The following ZNF518A variants were observed in gnomAD, a reference collection of about 807,000 sequenced individuals.
The protein encoded by ZNF518A is zinc finger protein 518A.
ZNF518A carries 47 observed loss-of-function variants against 102.7 expected under a neutral mutation model. That is an observed-to-expected ratio of 0.46 (90% CI 0.36 to 0.58). The LOEUF is 0.58. Ranked by LOEUF, ZNF518A falls within the 20% of genes least tolerant of loss-of-function variation. The probability of loss-of-function intolerance (pLI) is 0.00; values close to 1 mark genes in which losing one functional copy is unlikely to be tolerated. For missense variants in ZNF518A, 1,793 were observed against 1,699.8 expected (o/e 1.05, Z -0.96); for synonymous variants, 652 against 594.6 (o/e 1.10, Z -1.40).
intron 1 of ZNF518A, among the ~76,000 whole-genome samples, chr10:96,175,303 C>T (rs1235143665): frequency 6.6e-6 from 1 of 152,126 alleles, no homozygotes; most frequent in African/African-American, 2.4e-5. Context: ...GTATCTGGGC[C>T]ACCACTTTGT....
chr10:96,142,187 A>G (rs1446528600), intron 3 of ZNF518A, among the ~76,000 whole-genome samples: 2 of 151,208 alleles, frequency 1.3e-5, no homozygotes, highest in Admixed American at 6.6e-5. Flanking sequence ...AAACTTTTTG[A>G]AAACTTAAAA....
At chr10:96,188,361 A>G (rs2083285096) in intron 1 of ZNF518A, among the ~76,000 whole-genome samples, 2 of 152,184 alleles carry the variant, frequency 1.3e-5, no homozygotes, top group African/African-American at 4.8e-5. Flanking sequence ...TGCTCCAAGA[A>G]ATCCACCACG....
chr10:96,161,379 A>G lies in ZNF518A; in HGVS notation c.*605A>G, dbSNP rs587689794. The G allele has an allele frequency of 1.2e-5, 2 of 167,058 alleles. No individual in the cohort carries two copies. Among genetic ancestry groups the G allele is most frequent in the South Asian group, 4.1e-4 (2 of 4,830 alleles). 10.3% of individuals were successfully genotyped at this position (167,058 alleles called of 1,614,324 possible). The stretch of plus-strand genomic sequence containing the variant: ...TTTTTGGCAAGTAAATTTTTTTTCC[A>G]GTTGAACTCTGTCACTTGTTAGAGA... On this transcript the variant is annotated 3_prime_UTR_variant, in exon 6 of 6. Transcript: ENST00000316045.
rs782407488 is a variant in ZNF518A at position 96,159,944 on chromosome 10, A to G, written c.3622A>G (p.Ile1208Val). 8 of 1,613,434 alleles carry G rather than the reference A, an allele frequency of 5.0e-6. No individual in the cohort carries two copies. Among genetic ancestry groups the G allele is most frequent in the Non-Finnish European group, 5.9e-6 (7 of 1,179,726 alleles). The stretch of plus-strand genomic sequence containing the variant: ...CTTAATGCCAGCAAATGAAATTGTG[A>G]TAACTTCTACTGCAACATGCCCAGA... ...DDLMPANEIV[I>V]TSTATCPESS... is the part of the protein sequence containing the mutation. The change falls in exon 6 of 6, where the codon ATA becomes GTA. Residue 1208 changes from isoleucine (I) to valine (V), a missense_variant. Ile to Val is a conservative substitution (Grantham distance 29, BLOSUM62 3). Transcript: ENST00000316045.
chr10:96,150,550 A>G (rs1238214745), intron 3 of ZNF518A, among the ~76,000 whole-genome samples: 1 of 150,590 alleles, frequency 6.6e-6, no homozygotes, highest in Non-Finnish European at 1.5e-5. Flanking sequence ...TTTTTGGAAA[A>G]AAAAAAAACT....
chr10:96,162,862 T>C lies in ZNF518A; in HGVS notation c.*2088T>C, dbSNP rs1212091773. 1.2e-5 allele frequency: 2 copies of C among 167,000 alleles called. No individual in the cohort carries two copies. Among genetic ancestry groups the C allele is most frequent in the African/African-American group, 2.4e-5 (1 of 41,468 alleles). The allele number at this position is 167,000 out of a possible 1,614,324, so 10.3% of individuals were successfully genotyped here. On this transcript the variant is annotated 3_prime_UTR_variant, in exon 6 of 6. Coordinates refer to ENST00000316045, the MANE Select transcript of ZNF518A (RefSeq NM_001330736.2). ...AAGATAGATAAAAGTGTGGGATTTT[T>C]TTTCTTCCCAAAATCATAGATGATA...
rs1023363436 is a variant in ZNF518A, at chr10:96,160,882, C to A, written c.*108C>A. 5 of 1,150,798 alleles carry A rather than the reference C, an allele frequency of 4.3e-6. No individual in the cohort carries two copies. Among genetic ancestry groups the A allele is most frequent in the African/African-American group, 1.6e-5 (1 of 62,344 alleles). The allele number at this position is 1,150,798 out of a possible 1,614,324, so 71.3% of individuals were successfully genotyped here. On this transcript the variant is annotated 3_prime_UTR_variant, in exon 6 of 6. Coordinates refer to ENST00000316045, the MANE Select transcript of ZNF518A (RefSeq NM_001330736.2). ...TCTACTTCAGTATAGTACCTGAAAT[C>A]GAACATTTTAAAAGTTGATTGTATT...
At chr10:96,173,397 G>T (rs1302285923) in intron 1 of ZNF518A, among the ~76,000 whole-genome samples, 1 of 152,092 alleles carries the variant, frequency 6.6e-6, no homozygotes, top group Non-Finnish European at 1.5e-5. Context: ...TAGACTCAAA[G>T]ATATTAGTAG....
chr10:96,201,147 C>T, intron 1 of ZNF518A: 2 of 1,182,262 alleles, frequency 1.7e-6, no homozygotes, highest in Non-Finnish European at 2.5e-6. Context: ...CTAGGTGCTG[C>T]CAGGGACACA....
downstream of ZNF518A, among the ~76,000 whole-genome samples, chr10:96,167,096 G>C (rs1422636874): frequency 6.6e-6 from 1 of 152,214 alleles, no homozygotes; most frequent in Non-Finnish European, 1.5e-5. Flanking sequence ...CTATATGACA[G>C]AGAAATGTAG....
chr10:96,171,199 T>C (rs2125059), intron 1 of ZNF518A, among the ~76,000 whole-genome samples: 16,729 of 152,132 alleles, frequency 0.11, 1,896 homozygotes, highest in African/African-American at 0.29. Flanking sequence ...ATACCCCAAA[T>C]AATTTAAAAC....
chr10:96,173,057 G>A (rs1195787603), intron 1 of ZNF518A, among the ~76,000 whole-genome samples: 1 of 152,102 alleles, frequency 6.6e-6, no homozygotes, highest in Non-Finnish European at 1.5e-5. Context: ...TATTTAGATA[G>A]CATTTGCATT....
chr10:96,159,855 A>G lies in ZNF518A; in HGVS notation c.3533A>G (p.Gln1178Arg). 6.2e-7 allele frequency: 1 copy of G among 1,613,590 alleles called. No homozygotes were observed. Among genetic ancestry groups the G allele is most frequent in the Non-Finnish European group, 8.5e-7 (1 of 1,179,736 alleles). The change falls in exon 6 of 6, where the codon CAG (glutamine) becomes CGG (arginine). Residue 1178 changes from glutamine to arginine, a missense_variant. This residue lies in a region of ZNF518A where 1,741 missense variants were observed against 1,622.6 expected (regional missense o/e 1.07). Coordinates refer to ENST00000316045, the MANE Select transcript of ZNF518A (RefSeq NM_001330736.2). Reference protein sequence around the residue: ...SLQKDNVPSNQIIGGEQKEPE... With the variant: ...SLQKDNVPSNRIIGGEQKEPE... Reference sequence around the variant, plus strand: ...CAAAAAGACAACGTACCATCTAATCAGATTATAGGAGGAGAGCAGAAAGAG... The same window carrying G: ...CAAAAAGACAACGTACCATCTAATCGGATTATAGGAGGAGAGCAGAAAGAG...
chr10:96,158,709 A>T lies in ZNF518A; in HGVS notation c.2387A>T (p.Asp796Val). The T allele has an allele frequency of 1.9e-6, 3 of 1,613,460 alleles. No individual in the cohort carries two copies. Among genetic ancestry groups the T allele is most frequent in the Non-Finnish European group, 2.5e-6 (3 of 1,179,638 alleles). ...CAGGATGTATTGAAAATAAAACCTG[A>T]TGTAAAACAAGACTCTAGTAACACT... Reference protein sequence around the residue: ...LLQDVLKIKPDVKQDSSNTPN... With the variant: ...LLQDVLKIKPVVKQDSSNTPN... The change falls in exon 6 of 6, where the codon GAT becomes GTT. Residue 796 changes from aspartate (D) to valine (V), a missense_variant. This residue lies in a region of ZNF518A where 1,741 missense variants were observed against 1,622.6 expected (regional missense o/e 1.07). Coordinates refer to ENST00000316045, the MANE Select transcript of ZNF518A (RefSeq NM_001330736.2).
At chr10:96,149,730 G>C (rs1191444386) in intron 3 of ZNF518A, among the ~76,000 whole-genome samples, 8 of 152,056 alleles carry the variant, frequency 5.3e-5, no homozygotes, top group Admixed American at 3.3e-4. Context: ...GTTTTCCATT[G>C]TGAATTCTGC....
At chr10:96,132,101 A>G (rs1324993456) in intron 1 of ZNF518A, among the ~76,000 whole-genome samples, 3 of 151,458 alleles carry the variant, frequency 2.0e-5, no homozygotes, top group East Asian at 1.9e-4. Context: ...GCAAAGTGCT[A>G]TTAGCAGAAC....
intron 1 of ZNF518A, among the ~76,000 whole-genome samples, chr10:96,188,011 G>A (rs1554892799): frequency 6.6e-6 from 1 of 152,206 alleles, no homozygotes; most frequent in East Asian, 1.9e-4. Context: ...ACCATGCCCA[G>A]TTAATTTTTT....
intron 1 of ZNF518A, among the ~76,000 whole-genome samples, chr10:96,182,242 G>A (rs1331520667): frequency 6.6e-6 from 1 of 152,112 alleles, no homozygotes; most frequent in East Asian, 1.9e-4. Context: ...GATACAACGG[G>A]GTTTTCTAGA....
intron 1 of ZNF518A, among the ~76,000 whole-genome samples, chr10:96,195,028 C>G (rs886646024): frequency 3.3e-5 from 5 of 151,976 alleles, no homozygotes; most frequent in African/African-American, 1.2e-4. Flanking sequence ...CTCGGCCTCC[C>G]AAAGTGCTGG....
Sources: allele counts gnomAD v4.1 joint callset (sites outside exome capture counted in the v4.1 genomes callset), GRCh38; gene constraint gnomAD v4.1.1; regional missense constraint gnomAD v4.1.1; transcripts MANE v1.5; gene names NCBI Gene and HGNC (gene_info 2026-07-23, HGNC 2026-07-21).